SLC2A9: variants seen among roughly 807,000 people sequenced by gnomAD.
SLC2A9 encodes solute carrier family 2, facilitated glucose transporter member 9.
SLC2A9 carries 39 observed loss-of-function variants against 50.6 expected under a neutral mutation model. The observed-to-expected ratio is 0.77, with a 90% CI of 0.60 to 1.01. The LOEUF (loss-of-function observed/expected upper bound fraction) is 1.01. SLC2A9 is among the 50% of genes least tolerant of loss of function. The probability of loss-of-function intolerance (pLI) is 0.00; values close to 1 mark genes in which losing one functional copy is unlikely to be tolerated. For synonymous variants in SLC2A9, 324 were observed against 276.9 expected, an observed-to-expected ratio of 1.17 and a Z score of -1.69; for missense variants, 686 against 677.6, an observed-to-expected ratio of 1.01 and a Z score of -0.14.
rs10640118 is a variant in SLC2A9 at position 9,996,589 on chromosome 4, A to AGCCTG, written c.410+187_410+191dup. 0.48 allele frequency among the ~76,000 whole-genome samples: 72,704 copies of AGCCTG among 151,554 alleles called. 18,123 individuals carry two copies. The highest frequency in any genetic ancestry group is 0.62 in the South Asian group (2,991 of 4,808). ...CTATACGCTTCTGCTGCTGCTCATC[A>AGCCTG]GCCTGCAGTCCATGGCTTCAGTTAT... On this transcript the variant is annotated intron_variant, in intron 3 of 11. Coordinates refer to ENST00000264784, the MANE Select transcript of SLC2A9 (RefSeq NM_020041.3).
chr4:10,035,923 T>G (rs1335000992), intron 1 of SLC2A9: 4 of 157,434 alleles, frequency 2.5e-5, no homozygotes, highest in Admixed American at 1.3e-4. Flanking sequence ...ACTGCTCTGG[T>G]TCTCAGGCCT....
At chr4:9,840,294 C>T (rs1160410814) in intron 10 of SLC2A9, among the ~76,000 whole-genome samples, 1 of 152,184 alleles carries the variant, frequency 6.6e-6, no homozygotes, top group African/African-American at 2.4e-5. Flanking sequence ...TCATTTATCT[C>T]TCTTACTGAA....
Position 9,857,332 on chromosome 4 carries a change from C to T in SLC2A9, c.1292-22324G>A, listed in dbSNP as rs138041093. Among the ~76,000 whole-genome samples, 108 of 152,174 alleles carry T rather than the reference C, an allele frequency of 7.1e-4. 1 individual carries two copies. In the South Asian group the frequency reaches 0.01, roughly 15 times the overall value. ...GTACTGAGTTCCTGCTTGGAGGGGG[C>T]GCAGGGTTGGATACTGAAGATAGAG... is the stretch of plus-strand genomic sequence containing the variant. On this transcript the variant is annotated intron_variant, in intron 10 of 11. Coordinates refer to ENST00000264784, the MANE Select transcript of SLC2A9 (RefSeq NM_020041.3).
intron 5 of SLC2A9, among the ~76,000 whole-genome samples, chr4:9,948,881 G>C (rs543846652): frequency 2.2e-4 from 34 of 152,050 alleles, no homozygotes; most frequent in African/African-American, 7.2e-4. Flanking sequence ...CACATCTATG[G>C]GCCCATGATT....
chr4:10,020,679 C>T (rs1763395568), intron 1 of SLC2A9, among the ~76,000 whole-genome samples: 1 of 152,232 alleles, frequency 6.6e-6, no homozygotes, highest in Non-Finnish European at 1.5e-5. Flanking sequence ...AGCCCCTGGG[C>T]TGTGCTGGGC....
intron 4 of SLC2A9, among the ~76,000 whole-genome samples, chr4:9,985,365 G>A (rs1436768714): frequency 6.6e-6 from 1 of 152,126 alleles, no homozygotes; most frequent in East Asian, 1.9e-4. Flanking sequence ...AATAACCTTG[G>A]AATATTAACA....
chr4:9,859,795 C>CA (rs2109381877), intron 10 of SLC2A9, among the ~76,000 whole-genome samples: 1 of 152,336 alleles, frequency 6.6e-6, no homozygotes, highest in East Asian at 1.9e-4. Flanking sequence ...ATGCTGATAT[C>CA]AAAGCCCCTG....
At chr4:9,920,126 A>G (rs1354158103) in intron 7 of SLC2A9, among the ~76,000 whole-genome samples, 1 of 152,242 alleles carries the variant, frequency 6.6e-6, no homozygotes, top group Non-Finnish European at 1.5e-5. Flanking sequence ...TAGTGATAGC[A>G]TTTATTATAG....
rs142455329 is a variant in SLC2A9, at chr4:9,903,628, C to A, written c.1113+4607G>T. On this transcript the variant is annotated intron_variant, in intron 8 of 11. Coordinates refer to ENST00000264784, the MANE Select transcript of SLC2A9 (RefSeq NM_020041.3). ...TCTTTCCCCTCTCAACTTTATTAGCCTCCTGAGCCATTTTAATAGACTGTC... is the reference window on the plus strand; with the variant it reads ...TCTTTCCCCTCTCAACTTTATTAGCATCCTGAGCCATTTTAATAGACTGTC... Among the ~76,000 whole-genome samples the A allele has an allele frequency of 8.2e-3, 1,246 of 152,052 alleles. 16 individuals are homozygous for A. The highest frequency in any genetic ancestry group is 0.029 in the African/African-American group (1,203 of 41,458).
At position 9,772,477 on chromosome 4, in the gene SLC2A9, G is replaced by C. The variant is rs1213648391; in HGVS notation, n.182-1108C>G. On this transcript the variant is annotated intron_variant and non_coding_transcript_variant, in intron 1 of 1. Coordinates refer to the SLC2A9 transcript ENST00000508585. ...AGCAGAGTTAGTGCACACCTGGTCT[G>C]ACCGGAGGCTCTAACAGAATGTGGT... is the stretch of plus-strand genomic sequence containing the variant. Among the ~76,000 whole-genome samples the C allele has an allele frequency of 2.0e-5, 3 of 152,194 alleles. No individual in the cohort carries two copies. The East Asian group carries it at 5.8e-4, about 29-fold the overall frequency.
chr4:9,962,751 G>A (rs943708193), intron 5 of SLC2A9, among the ~76,000 whole-genome samples: 1 of 152,176 alleles, frequency 6.6e-6, no homozygotes, highest in African/African-American at 2.4e-5. Context: ...TGTTTGGGCA[G>A]GTGTGACTGA....
chr4:9,874,928 A>T (rs111968971), intron 10 of SLC2A9, among the ~76,000 whole-genome samples: 1 of 145,536 alleles, frequency 6.9e-6, no homozygotes, highest in Admixed American at 6.8e-5. Context: ...TGTCTTTAGA[A>T]ATGGCCATAG....
intron 6 of SLC2A9, among the ~76,000 whole-genome samples, chr4:9,922,442 C>G (rs138947064): frequency 6.7e-6 from 1 of 148,370 alleles, no homozygotes; most frequent in Non-Finnish European, 1.5e-5. Flanking sequence ...ATGTAACAAA[C>G]CTGCACATCC....
chr4:9,788,147 T>A (rs1365794181), intron 3 of SLC2A9, among the ~76,000 whole-genome samples: 1 of 152,142 alleles, frequency 6.6e-6, no homozygotes, highest in East Asian at 1.9e-4. Context: ...AATATTTGTT[T>A]TATATATTTA....
rs1325042184 is a variant in SLC2A9 at position 9,848,756 on chromosome 4, G to A, written c.1292-13748C>T. ...ACTCTGTCACCCAGGCTGGAGTGGA[G>A]TGCAGTGGCACGATCTCGGCTCACT... On this transcript the variant is annotated intron_variant, in intron 10 of 11. Transcript: ENST00000264784. 1.1e-4 allele frequency among the ~76,000 whole-genome samples: 17 copies of A among 149,798 alleles called. 1 individual carries two copies. Among genetic ancestry groups the A allele is most frequent in the Admixed American group, 1.1e-3 (16 of 15,062 alleles).
chr4:10,036,885 C>A (rs1212577194), intron 1 of SLC2A9, among the ~76,000 whole-genome samples: 1 of 152,170 alleles, frequency 6.6e-6, no homozygotes, highest in Admixed American at 6.5e-5. Flanking sequence ...GGATTTCCAC[C>A]CTGGTAAGTA....
chr4:9,886,659 A>G (rs1736329363), intron 10 of SLC2A9, among the ~76,000 whole-genome samples: 1 of 152,164 alleles, frequency 6.6e-6, no homozygotes, highest in African/African-American at 2.4e-5. Flanking sequence ...ACAGAAGTTC[A>G]GTTCCCTTTG....
At chr4:9,803,078 T>A (rs1577330423) in intron 3 of SLC2A9, among the ~76,000 whole-genome samples, 1 of 152,230 alleles carries the variant, frequency 6.6e-6, no homozygotes. Context: ...AATTGGAAGG[T>A]TTGGACCTGG....
intron 10 of SLC2A9, among the ~76,000 whole-genome samples, chr4:9,869,846 AGTG>A (rs1314549574): frequency 6.6e-6 from 1 of 152,276 alleles, no homozygotes; most frequent in Non-Finnish European, 1.5e-5. Flanking sequence ...CAGTGGGCTG[AGTG>A]GTGGCCCCAC....
Sources: gnomAD v4.1 joint callset for allele counts (sites outside exome capture counted in the v4.1 genomes callset) on GRCh38, gnomAD v4.1.1 for gene constraint, MANE v1.5 for transcripts, NCBI Gene and HGNC (gene_info 2026-07-23, HGNC 2026-07-21) for gene names.